Variants in MDGA2 observed in about 807,000 individuals in gnomAD.
The protein encoded by MDGA2 is MAM domain containing glycosylphosphatidylinositol anchor 2, also known as MAM domain-containing glycosylphosphatidylinositol anchor protein 2.
Under a neutral mutation model 117.8 loss-of-function variants are expected in MDGA2, and 40 were observed. The observed-to-expected ratio is 0.34, with a 90% confidence interval of 0.26 to 0.44. The LOEUF is 0.44. MDGA2 is among the 20% of genes least tolerant of loss of function. The pLI is 1.00. For synonymous variants in MDGA2, 452 were observed against 439.0 expected (o/e 1.03, Z -0.37); for missense variants, 1,123 against 1,250.6 (o/e 0.90, Z 1.54).
At chr14:47,145,744 T>C (rs1882917423) in intron 3 of MDGA2, among the ~76,000 whole-genome samples, 1 of 152,162 alleles carries the variant, frequency 6.6e-6, no homozygotes, top group African/African-American at 2.4e-5. Context: ...CCTGGACACA[T>C]AGTATTAAGT....
chr14:47,588,245 T>TATATATAC (rs1555334168), intron 1 of MDGA2, among the ~76,000 whole-genome samples: 4 of 85,442 alleles, frequency 4.7e-5, no homozygotes, highest in African/African-American at 1.4e-4. Flanking sequence ...TAGATATATA[T>TATATATAC]ATATATATAT....
At chr14:47,294,103 C>CTTTT (rs35698427) in intron 2 of MDGA2, among the ~76,000 whole-genome samples, 3 of 99,140 alleles carry the variant, frequency 3.0e-5, no homozygotes, top group South Asian at 3.5e-4. Flanking sequence ...ATATGGCAAT[C>CTTTT]TTTTTTTTTT....
chr14:47,585,145 T>C (rs1376235906), intron 1 of MDGA2, among the ~76,000 whole-genome samples: 1 of 151,904 alleles, frequency 6.6e-6, no homozygotes, highest in Non-Finnish European at 1.5e-5. Flanking sequence ...TCTTAACTGT[T>C]TATTCCAAAT....
At chr14:47,000,342 T>TAC (rs1887461250) in intron 8 of MDGA2, among the ~76,000 whole-genome samples, 1 of 136,964 alleles carries the variant, frequency 7.3e-6, no homozygotes. Context: ...TTTATATATA[T>TAC]ATATATACAC....
intron 6 of MDGA2, among the ~76,000 whole-genome samples, chr14:47,070,552 A>G (rs187648679): frequency 6.6e-6 from 1 of 152,138 alleles, no homozygotes; most frequent in Non-Finnish European, 1.5e-5. Flanking sequence ...CAGATGTTTT[A>G]ATCACATTGA....
chr14:47,185,095 T>C (rs979642528), intron 3 of MDGA2, among the ~76,000 whole-genome samples: 1 of 151,126 alleles, frequency 6.6e-6, no homozygotes, highest in Non-Finnish European at 1.5e-5. Flanking sequence ...AATTATCTTT[T>C]ACAAGAGACA....
chr14:46,988,084 A>G (rs1347426696), intron 8 of MDGA2, among the ~76,000 whole-genome samples: 3 of 151,970 alleles, frequency 2.0e-5, no homozygotes, highest in African/African-American at 7.2e-5. Context: ...TAAAGAGTGG[A>G]GAACATGGCT....
chr14:47,149,167 A>G (rs148975415), intron 3 of MDGA2, among the ~76,000 whole-genome samples: 4,434 of 152,062 alleles, frequency 0.029, 196 homozygotes, highest in African/African-American at 0.1. Flanking sequence ...GCAGGCACCT[A>G]TAGTCCCAGC....
intron 11 of MDGA2, among the ~76,000 whole-genome samples, chr14:46,881,293 C>T (rs1403728561): frequency 1.3e-5 from 2 of 152,018 alleles, no homozygotes; most frequent in Non-Finnish European, 2.9e-5. Context: ...TCCAAATTTA[C>T]AACATTCTCG....
intron 1 of MDGA2, among the ~76,000 whole-genome samples, chr14:47,558,907 T>G (rs1458101741): frequency 6.6e-6 from 1 of 152,184 alleles, no homozygotes; most frequent in Non-Finnish European, 1.5e-5. Context: ...AATAGGCAGC[T>G]ATAATCTGTA....
chr14:47,072,107 G>T (rs1332625271), intron 6 of MDGA2, among the ~76,000 whole-genome samples: 1 of 135,786 alleles, frequency 7.4e-6, no homozygotes, highest in Non-Finnish European at 1.6e-5. Context: ...TGTTTGGGGG[G>T]GGGGGGGTTT....
At chr14:47,481,712 A>G (rs1246959451) in intron 1 of MDGA2, among the ~76,000 whole-genome samples, 5 of 152,032 alleles carry the variant, frequency 3.3e-5, no homozygotes, top group Non-Finnish European at 2.9e-5. Context: ...ATTCAAAGAC[A>G]AAAACATTTA....
chr14:46,921,606 C>A (rs1884133745), intron 9 of MDGA2, among the ~76,000 whole-genome samples: 2 of 143,532 alleles, frequency 1.4e-5, no homozygotes, highest in Admixed American at 7.0e-5. Context: ...GGGACAGAGC[C>A]AGGCCCTGTC....
chr14:47,342,047 C>T (rs11157554), intron 1 of MDGA2, among the ~76,000 whole-genome samples: 50,713 of 151,482 alleles, frequency 0.33, 9,272 homozygotes, highest in Admixed American at 0.52. Flanking sequence ...GAGACAGGTG[C>T]ACCATATTGG....
chr14:47,413,431 A>C (rs539334145), intron 1 of MDGA2, among the ~76,000 whole-genome samples: 1 of 152,296 alleles, frequency 6.6e-6, no homozygotes, highest in Non-Finnish European at 1.5e-5. Context: ...GAAAGAAAGA[A>C]GTAACATGAA....
chr14:47,360,381 A>ATAAATAAG (rs1264973663), intron 1 of MDGA2, among the ~76,000 whole-genome samples: 1 of 149,668 alleles, frequency 6.7e-6, no homozygotes, highest in Non-Finnish European at 1.5e-5. Context: ...AAATAAATAA[A>ATAAATAAG]TAAATAAATA....
At chr14:47,180,880 C>A (rs2139369147) in intron 3 of MDGA2, among the ~76,000 whole-genome samples, 1 of 152,254 alleles carries the variant, frequency 6.6e-6, no homozygotes, top group South Asian at 2.1e-4. Flanking sequence ...GAGATCGTGC[C>A]ACTGCACTCC....
intron 3 of MDGA2, among the ~76,000 whole-genome samples, chr14:47,189,313 T>C (rs1885025969): frequency 1.3e-5 from 2 of 152,064 alleles, no homozygotes; most frequent in Admixed American, 6.6e-5. Flanking sequence ...TCCCACATGA[T>C]ACAGGGACAA....
At chr14:47,436,942 T>C (rs536930978) in intron 1 of MDGA2, among the ~76,000 whole-genome samples, 2 of 152,182 alleles carry the variant, frequency 1.3e-5, no homozygotes, top group South Asian at 4.1e-4. Context: ...TTCATCAAAG[T>C]TGTATGCACG....
Sources: gnomAD v4.1 joint callset for allele counts (sites outside exome capture counted in the v4.1 genomes callset) on GRCh38, gnomAD v4.1.1 for gene constraint, MANE v1.5 for transcripts, NCBI Gene and HGNC (gene_info 2026-07-23, HGNC 2026-07-21) for gene names.